The following IGLL5 variants were observed in gnomAD, a reference collection of about 807,000 sequenced individuals.
IGLL5 encodes the protein immunoglobulin lambda like polypeptide 5.
Under a neutral mutation model 20.9 loss-of-function variants are expected in IGLL5, and 30 were observed. The ratio of observed to expected loss-of-function variants is 1.44; its 90% CI spans 1.07 to 1.95. The LOEUF (loss-of-function observed/expected upper bound fraction) is 1.95, where lower values mean the gene tolerates loss of function less well. IGLL5 is among the 30% of genes most tolerant of loss of function. The probability of loss-of-function intolerance (pLI) is 0.00; values close to 1 mark genes in which losing one functional copy is unlikely to be tolerated. For synonymous variants in IGLL5, 203 were observed against 117.3 expected, an observed-to-expected ratio of 1.73 and a Z score of -4.72; for missense variants, 475 against 270.7, an observed-to-expected ratio of 1.75 and a Z score of -5.30.
intron 2 of IGLL5, 139 bp downstream of exon 2, chr22:22,893,957 G>GAC: frequency 1.4e-6 from 1 of 711,384 alleles, no homozygotes; most frequent in East Asian, 2.6e-5. Context: ...GGGGCCTGGA[G>GAC]GAGGTGCATT....
chr22:22,894,636 C>A (rs1019578596), intron 2 of IGLL5, among the ~76,000 whole-genome samples: 1 of 151,106 alleles, frequency 6.6e-6, no homozygotes, highest in South Asian at 2.1e-4. Flanking sequence ...AACTCCATGG[C>A]TACCAGGTGA....
At chr22:22,890,248 T>C (rs376036933) in intron 1 of IGLL5, among the ~76,000 whole-genome samples, 7 of 149,046 alleles carry the variant, frequency 4.7e-5, no homozygotes, top group Admixed American at 2.7e-4. Context: ...TTCCCAGAGA[T>C]AGCCACTGTC....
At chr22:22,894,735 GA>G (rs1351774195) in intron 2 of IGLL5, among the ~76,000 whole-genome samples, 1 of 151,426 alleles carries the variant, frequency 6.6e-6, no homozygotes, top group East Asian at 2.0e-4. Context: ...CAGCTGAGGT[GA>G]AGGGTTCTGT....
chr22:22,894,879 A>C (rs1318060436), intron 2 of IGLL5, among the ~76,000 whole-genome samples: 1 of 151,330 alleles, frequency 6.6e-6, no homozygotes, highest in Admixed American at 6.6e-5. Flanking sequence ...TGTGAGGGAT[A>C]GGAAGCTCCA....
At chr22:22,892,612 G>C (rs6003381) in intron 1 of IGLL5, among the ~76,000 whole-genome samples, 1 of 150,842 alleles carries the variant, frequency 6.6e-6, no homozygotes, top group Non-Finnish European at 1.5e-5. Flanking sequence ...TATACAGAAA[G>C]AAGTTTAGTT....
intron 2 of IGLL5, among the ~76,000 whole-genome samples, chr22:22,894,410 G>C (rs1601626139): frequency 2.0e-5 from 3 of 151,484 alleles, no homozygotes; most frequent in Middle Eastern, 3.7e-3. Context: ...GGGACACAGA[G>C]GGACGGGTGA....
intron 1 of IGLL5, among the ~76,000 whole-genome samples, chr22:22,889,549 A>C (rs552417919): frequency 1.3e-5 from 2 of 151,158 alleles, no homozygotes; most frequent in South Asian, 2.1e-4. Context: ...CCAAATATCT[A>C]CCAGAAAGGG....
At chr22:22,894,064 T>G (rs571448112) in intron 2 of IGLL5, among the ~76,000 whole-genome samples, 2 of 151,316 alleles carry the variant, frequency 1.3e-5, no homozygotes, top group Admixed American at 6.6e-5. Context: ...GGGTCAGGGC[T>G]CCTCCTCTCT....
At chr22:22,889,232 G>A (rs542595046) in intron 1 of IGLL5, among the ~76,000 whole-genome samples, 2 of 150,988 alleles carry the variant, frequency 1.3e-5, no homozygotes, top group Admixed American at 6.7e-5. Context: ...GGGATGGGGA[G>A]GACACTCAGA....
chr22:22,888,855 A>T (rs559727332), intron 1 of IGLL5, among the ~76,000 whole-genome samples: 1 of 151,360 alleles, frequency 6.6e-6, no homozygotes, highest in African/African-American at 2.4e-5. Context: ...TGGAGCAATA[A>T]AGGGAGAGGG....
intron 1 of IGLL5, among the ~76,000 whole-genome samples, chr22:22,889,157 A>G (rs2067692115): frequency 2.0e-5 from 3 of 150,940 alleles, no homozygotes; most frequent in Admixed American, 6.6e-5. Flanking sequence ...CGATTAGAGG[A>G]GGGAGGAGAG....
In IGLL5 at chr22:22,895,629, A is replaced by G. The variant is rs1453223888; in HGVS notation, c.580A>G (p.Ser194Gly). 2 of 1,613,236 alleles carry G rather than the reference A, an allele frequency of 1.2e-6. No homozygotes were observed. The highest frequency in any genetic ancestry group is 2.7e-5 in the African/African-American group (2 of 74,786). Residue 194 changes from serine to glycine, a missense_variant, in exon 3 of 3, where the codon AGC becomes GGC. Physicochemically the swap from Ser to Gly is moderately conservative, Grantham distance 56. Transcript: ENST00000526893. ...GCAGTGGAAGTCCCACAGAAGCTAC[A>G]GCTGCCAGGTCACGCATGAAGGGAG... ...PEQWKSHRSY[S>G]CQVTHEGSTV...
intron 1 of IGLL5, among the ~76,000 whole-genome samples, chr22:22,889,947 T>C (rs1225019920): frequency 6.6e-6 from 1 of 151,304 alleles, no homozygotes; most frequent in African/African-American, 2.4e-5. Flanking sequence ...TCAGAAAATA[T>C]AGAAAAATGT....
chr22:22,888,920 T>G (rs569159693), intron 1 of IGLL5, among the ~76,000 whole-genome samples: 2 of 151,194 alleles, frequency 1.3e-5, no homozygotes, highest in East Asian at 2.0e-4. Context: ...GGGCACTGGC[T>G]GGTGATGGGT....
Position 22,890,036 on chromosome 22 carries a change from T to C in IGLL5, c.206+1777T>C, listed in dbSNP as rs185231742. Among the ~76,000 whole-genome samples, 3 of 151,100 alleles carry C rather than the reference T, an allele frequency of 2.0e-5. 1 individual carries two copies. Among genetic ancestry groups the C allele is most frequent in the Non-Finnish European group, 4.4e-5 (3 of 67,838 alleles). ...ATAATTTTCTGGTTTTGTGAAGTTG[T>C]TCACAAAAAGAGACATTTCTTCTAA... On this transcript the variant is annotated intron_variant, in intron 1 of 2. Transcript: ENST00000526893.
Position 22,895,706 on chromosome 22 carries a change from TA to T in IGLL5, c.*14del. On this transcript the variant is annotated 3_prime_UTR_variant, in exon 3 of 3. Transcript: ENST00000526893. ...CAGAATGTTCATAGGTTCCCAACTC[TA>T]ACCCCACCCACGGGAGCCTGGAGCT... is the stretch of plus-strand genomic sequence containing the variant. The T allele has an allele frequency of 6.2e-7, 1 of 1,611,626 alleles. No homozygotes were observed. Among genetic ancestry groups the T allele is most frequent in the East Asian group, 2.2e-5 (1 of 44,686 alleles).
In IGLL5 at chr22:22,895,747, G is replaced by A. The variant is rs1249418312; in HGVS notation, c.*53G>A. Reference sequence around the variant, plus strand: ...AGCCTGGAGCTGCAGGATCCCAGGGGAGGGGTCTCTCTCCCCATCCCAAGT... The same window carrying A: ...AGCCTGGAGCTGCAGGATCCCAGGGAAGGGGTCTCTCTCCCCATCCCAAGT... On this transcript the variant is annotated 3_prime_UTR_variant, in exon 3 of 3. Transcript: ENST00000526893. 6.4e-7 allele frequency: 1 copy of A among 1,571,226 alleles called. No homozygotes were observed. Among genetic ancestry groups the A allele is most frequent in the Non-Finnish European group, 8.8e-7 (1 of 1,141,912 alleles).
intron 2 of IGLL5, among the ~76,000 whole-genome samples, chr22:22,894,636 C>G (rs1019578596): frequency 6.6e-6 from 1 of 151,100 alleles, no homozygotes; most frequent in Admixed American, 6.6e-5. Context: ...AACTCCATGG[C>G]TACCAGGTGA....
In IGLL5 at chr22:22,888,061, C is replaced by T. The variant is rs529746845; in HGVS notation, c.8C>T (p.Pro3Leu). The T allele has an allele frequency of 1.9e-6, 3 of 1,549,144 alleles. No homozygotes were observed. Among genetic ancestry groups the T allele is most frequent in the East Asian group, 2.5e-5 (1 of 40,636 alleles). MR[P>L]KTGQVGCETP... ...CCCTGAACCTGAAGGCCAATGAGACCCAAGACAGGCCAAGTGGGTTGTGAG... is the reference window on the plus strand; with the variant it reads ...CCCTGAACCTGAAGGCCAATGAGACTCAAGACAGGCCAAGTGGGTTGTGAG... The change falls in exon 1 of 3, where the codon CCC (proline) becomes CTC (leucine). Residue 3 changes from proline to leucine, a missense_variant. Transcript: ENST00000526893.
Sources: allele counts gnomAD v4.1 joint callset (sites outside exome capture counted in the v4.1 genomes callset), GRCh38; gene constraint gnomAD v4.1.1; transcripts MANE v1.5; gene names NCBI Gene and HGNC (gene_info 2026-07-23, HGNC 2026-07-21).